The following RSPRY1 variants were observed in gnomAD, a reference collection of about 807,000 sequenced individuals.
RSPRY1 encodes the protein ring finger and SPRY domain containing 1.
A neutral mutation model predicts 73.1 loss-of-function variants in RSPRY1; 23 were observed. That is an observed-to-expected ratio of 0.31 (90% CI 0.23 to 0.45). The LOEUF is 0.45. Among genes scored for constraint, RSPRY1 ranks in the 20% least tolerant of loss-of-function variants. The probability of loss-of-function intolerance (pLI) is 1.00; values close to 1 mark genes in which losing one functional copy is unlikely to be tolerated. For synonymous variants in RSPRY1, 226 were observed against 251.4 expected, an observed-to-expected ratio of 0.90 and a Z score of 0.95; for missense variants, 448 against 698.7, an observed-to-expected ratio of 0.64 and a Z score of 4.05.
chr16:57,193,174 C>CTACG (rs2074380600), intron 1 of RSPRY1, among the ~76,000 whole-genome samples: 1 of 152,196 alleles, frequency 6.6e-6, no homozygotes, highest in South Asian at 2.1e-4. Context: ...TGACCTAAAC[C>CTACG]TACGGTTAGA....
intron 1 of RSPRY1, among the ~76,000 whole-genome samples, chr16:57,197,479 G>C (rs1194388451): frequency 6.6e-6 from 1 of 151,410 alleles, no homozygotes; most frequent in East Asian, 1.9e-4. Context: ...CTTTACACTT[G>C]GTTTTCACAG....
At chr16:57,208,390 A>G (rs2074768568) in intron 3 of RSPRY1, among the ~76,000 whole-genome samples, 1 of 88,760 alleles carries the variant, frequency 1.1e-5, no homozygotes, top group Non-Finnish European at 2.0e-5. Context: ...ATATATATAT[A>G]TATATATATA....
At position 57,239,686 on chromosome 16, in the gene RSPRY1, C is replaced by T. The variant is rs2075351451; in HGVS notation, c.*711C>T. On this transcript the variant is annotated 3_prime_UTR_variant, in exon 15 of 15. Transcript: ENST00000394420. ...TGTTTCTATCCAATTTCAGTACCCACATTTAATGAGGAAAAAATGTTTTAC... is the reference window on the plus strand; with the variant it reads ...TGTTTCTATCCAATTTCAGTACCCATATTTAATGAGGAAAAAATGTTTTAC... The T allele has an allele frequency of 6.6e-6, 1 of 151,424 alleles. No homozygotes were observed. The highest frequency in any genetic ancestry group is 2.4e-5 in the African/African-American group (1 of 41,212). 9.4% of individuals were successfully genotyped at this position (151,424 alleles called of 1,614,324 possible).
chr16:57,195,303 G>C (rs2074420128), intron 1 of RSPRY1, among the ~76,000 whole-genome samples: 1 of 152,222 alleles, frequency 6.6e-6, no homozygotes, highest in African/African-American at 2.4e-5. Flanking sequence ...CCTGAGATCA[G>C]GAGTTCAAGA....
chr16:57,227,312 G>A (rs2075135318), intron 10 of RSPRY1, 30 bp from the exon 11 acceptor site: 18 of 1,496,128 alleles, frequency 1.2e-5, no homozygotes, highest in Non-Finnish European at 1.7e-5. Flanking sequence ...AGGCAGACTT[G>A]CTAATCTTCT....
At chr16:57,213,129 C>A (rs2074876070) in intron 5 of RSPRY1, 31 bp downstream of exon 5, 1 of 1,580,108 alleles carries the variant, frequency 6.3e-7, no homozygotes, top group Admixed American at 1.9e-5. Flanking sequence ...AGTGGAAGAT[C>A]TTAAGTTGTT....
chr16:57,206,277 T>C (rs560980831), intron 2 of RSPRY1, among the ~76,000 whole-genome samples: 1 of 152,164 alleles, frequency 6.6e-6, no homozygotes, highest in East Asian at 1.9e-4. Flanking sequence ...ACAGTGGCAC[T>C]TGCCTGTGAT....
intron 12 of RSPRY1, 148 bp from the exon 13 acceptor site, chr16:57,231,019 C>T (rs1314100413): frequency 2.6e-6 from 2 of 781,832 alleles, no homozygotes; most frequent in African/African-American, 3.5e-5. Context: ...TAGTCACAGA[C>T]CTGTGTGGGT....
In RSPRY1 at chr16:57,204,549, G is replaced by C; in HGVS notation, c.-110G>C. The C allele has an allele frequency of 1.1e-6, 1 of 924,694 alleles. No individual in the cohort carries two copies. The highest frequency in any genetic ancestry group is 1.6e-5 in the African/African-American group (1 of 61,116). The allele number at this position is 924,694 out of a possible 1,614,324, so 57.3% of individuals were successfully genotyped here. ...AATCCCCTGTAGTTGATAATGTTGG[G>C]AATAAGCTCTGCAACTTTCTTTGGC... is the stretch of plus-strand genomic sequence containing the variant. On this transcript the variant is annotated 5_prime_UTR_variant, in exon 2 of 15. Transcript: ENST00000394420.
intron 1 of RSPRY1, among the ~76,000 whole-genome samples, chr16:57,189,935 T>G (rs187235087): frequency 4.2e-4 from 64 of 152,328 alleles, no homozygotes; most frequent in Non-Finnish European, 8.5e-4. Context: ...ATGCTTTCCT[T>G]AACAATGAAG....
chr16:57,208,389 TATATATA>T lies in RSPRY1; in HGVS notation c.403+280_403+286del, dbSNP rs1296553172. On this transcript the variant is annotated intron_variant, in intron 3 of 14. Coordinates refer to ENST00000394420, the MANE Select transcript of RSPRY1 (RefSeq NM_133368.3). ...AGAGGAGATTATTTATATATATATA[TATATATA>T]TATATTTTTTTTTTTTTTTGAGACA... Among the ~76,000 whole-genome samples the T allele has an allele frequency of 2.0e-4, 21 of 106,898 alleles. 1 individual carries two copies. The highest frequency in any genetic ancestry group is 8.7e-4 in the African/African-American group (21 of 24,208). 70.1% of individuals were successfully genotyped at this position (106,898 alleles called of 152,430 possible).
intron 8 of RSPRY1, among the ~76,000 whole-genome samples, chr16:57,218,672 C>CT (rs1238891844): frequency 9.3e-6 from 1 of 106,962 alleles, no homozygotes; most frequent in Admixed American, 1.0e-4. Flanking sequence ...GGATCTCATT[C>CT]TTTTTTGTGG....
chr16:57,239,064 G>A lies in RSPRY1; in HGVS notation c.*89G>A. 3.5e-6 allele frequency: 2 copies of A among 566,960 alleles called. No individual in the cohort carries two copies. The highest frequency in any genetic ancestry group is 3.4e-5 in the South Asian group (1 of 29,074). The allele number at this position is 566,960 out of a possible 1,614,324, so 35.1% of individuals were successfully genotyped here. ...GAAAAAAAAAACTCTCTAATCAGTT[G>A]TACACACATTGAAACTTATAGCCAT... On this transcript the variant is annotated 3_prime_UTR_variant, in exon 15 of 15. Coordinates refer to ENST00000394420, the MANE Select transcript of RSPRY1 (RefSeq NM_133368.3).
At chr16:57,227,214 T>C (rs984395478) in intron 10 of RSPRY1, 128 bp from the exon 11 acceptor site, 4 of 649,728 alleles carry the variant, frequency 6.2e-6, no homozygotes, top group South Asian at 1.8e-5. Flanking sequence ...CAAAAAACCA[T>C]GAGCTCTCTC....
At chr16:57,204,212 A>G (rs2074680705) in intron 1 of RSPRY1, among the ~76,000 whole-genome samples, 1 of 152,188 alleles carries the variant, frequency 6.6e-6, no homozygotes, top group African/African-American at 2.4e-5. Context: ...ATGTATTTCT[A>G]TATAGACAGG....
At chr16:57,211,956 G>A (rs147486977) in intron 4 of RSPRY1, among the ~76,000 whole-genome samples, 58 of 152,272 alleles carry the variant, frequency 3.8e-4, no homozygotes, top group African/African-American at 1.2e-3. Flanking sequence ...AGTCTTTAGC[G>A]TAGTCACCAA....
intron 2 of RSPRY1, among the ~76,000 whole-genome samples, chr16:57,205,872 G>A (rs886154196): frequency 2.6e-5 from 4 of 152,326 alleles, no homozygotes; most frequent in South Asian, 2.1e-4. Context: ...GTACTTAACA[G>A]TTGCTCAGTA....
chr16:57,231,053 C>T (rs2075211470), intron 12 of RSPRY1, 114 bp from the exon 13 acceptor site: 2 of 968,040 alleles, frequency 2.1e-6, no homozygotes, highest in Non-Finnish European at 3.1e-6. Context: ...TGTCACTCTT[C>T]CTTTCTGCCA....
chr16:57,227,480 A>G, intron 11 of RSPRY1, 27 bp downstream of exon 11: 1 of 1,511,494 alleles, frequency 6.6e-7, no homozygotes, highest in South Asian at 1.1e-5. Context: ...TTATAAATTT[A>G]TCAAGTGGGT....
Sources: allele counts gnomAD v4.1 joint callset (sites outside exome capture counted in the v4.1 genomes callset), GRCh38; gene constraint gnomAD v4.1.1; transcripts MANE v1.5; gene names NCBI Gene and HGNC (gene_info 2026-07-23, HGNC 2026-07-21).